VPS13D: variants seen among roughly 807,000 people sequenced by gnomAD.
The protein encoded by VPS13D is intermembrane lipid transfer protein VPS13D.
VPS13D carries 187 observed loss-of-function variants against 461.9 expected under a neutral mutation model. The ratio of observed to expected loss-of-function variants is 0.40; its 90% CI spans 0.36 to 0.46. The LOEUF (loss-of-function observed/expected upper bound fraction) is 0.46, where lower values mean the gene tolerates loss of function less well. VPS13D is among the 20% of genes least tolerant of loss of function. The pLI, the probability that VPS13D is intolerant of heterozygous loss-of-function variation, is 0.60. For missense variants in VPS13D, 4,711 were observed against 5,364.9 expected (o/e 0.88, Z 3.81); for synonymous variants, 1,951 against 1,986.3 (o/e 0.98, Z 0.47).
chr1:12,277,730 T>TTGA lies in VPS13D; in HGVS notation c.4143_4145dup (p.Ile1381_Glu1382insAsp). 1 of 1,614,224 alleles carries TTGA rather than the reference T, an allele frequency of 6.2e-7. No homozygotes were observed. The highest frequency in any genetic ancestry group is 8.5e-7 in the Non-Finnish European group (1 of 1,180,028). The stretch of plus-strand genomic sequence containing the variant: ...GTAAAGCTAATCTTGAACATAAACA[T>TTGA]TGAATCACCAGTTGTTTCTATCCCT... On this transcript the variant is annotated inframe_insertion, in exon 19 of 70. Transcript: ENST00000620676.
chr1:12,392,545 TAAAAAA>T (rs139602760), intron 60 of VPS13D, among the ~76,000 whole-genome samples: 8 of 129,300 alleles, frequency 6.2e-5, no homozygotes, highest in African/African-American at 1.7e-4. Context: ...GTATAAATGT[TAAAAAA>T]AAAAAAAAAA....
chr1:12,441,422 T>C lies in VPS13D; in HGVS notation c.12334-14576T>C, dbSNP rs747738544. ...AGCATGGACGCCAGCTTTTCAGCAT[T>C]GTATGCAGCACCCCAACCAGCCTTG... On this transcript the variant is annotated intron_variant, in intron 65 of 69. Transcript: ENST00000620676. Among the ~76,000 whole-genome samples the C allele has an allele frequency of 7.2e-5, 11 of 152,098 alleles. No homozygotes were observed. The South Asian group carries it at 8.3e-4, about 11-fold the overall frequency.
At chr1:12,462,707 G>A (rs1044950828) in intron 67 of VPS13D, among the ~76,000 whole-genome samples, 2 of 152,184 alleles carry the variant, frequency 1.3e-5, no homozygotes, top group Non-Finnish European at 2.9e-5. Flanking sequence ...TCAAGATATG[G>A]CATTCCACAT....
At chr1:12,443,471 T>C (rs1645154182) in intron 65 of VPS13D, among the ~76,000 whole-genome samples, 1 of 152,260 alleles carries the variant, frequency 6.6e-6, no homozygotes, top group South Asian at 2.1e-4. Flanking sequence ...CATATAAAAG[T>C]CTCTCCATTA....
chr1:12,496,415 C>T (rs1240601738), intron 67 of VPS13D, among the ~76,000 whole-genome samples: 1 of 152,202 alleles, frequency 6.6e-6, no homozygotes, highest in African/African-American at 2.4e-5. Context: ...TTGTTTCTGT[C>T]CATATTTCCA....
chr1:12,383,895 C>T (rs1046018541), intron 58 of VPS13D, among the ~76,000 whole-genome samples: 2 of 152,156 alleles, frequency 1.3e-5, no homozygotes, highest in African/African-American at 2.4e-5. Flanking sequence ...CCACAGGTAG[C>T]AGAGTGATCC....
intron 65 of VPS13D, among the ~76,000 whole-genome samples, chr1:12,433,284 AAAC>A (rs899195834): frequency 4.6e-5 from 7 of 152,098 alleles, no homozygotes; most frequent in Non-Finnish European, 8.8e-5. Flanking sequence ...AAAAACAAAA[AAAC>A]AACAACAAAA....
chr1:12,464,575 C>A (rs1243702996), intron 67 of VPS13D, among the ~76,000 whole-genome samples: 1 of 152,052 alleles, frequency 6.6e-6, no homozygotes, highest in Non-Finnish European at 1.5e-5. Flanking sequence ...TAGGGAACCC[C>A]CCCTCCTTAT....
chr1:12,506,807 G>T, intron 68 of VPS13D, 46 bp from the exon 69 acceptor site: 1 of 1,593,130 alleles, frequency 6.3e-7, no homozygotes, highest in South Asian at 1.1e-5. Flanking sequence ...CCTGATGCTG[G>T]GCGAAGCCCC....
Position 12,283,201 on chromosome 1 carries a change from T to C in VPS13D, c.5099T>C (p.Leu1700Ser). 5.0e-6 allele frequency: 8 copies of C among 1,614,184 alleles called. No individual in the cohort carries two copies. Among genetic ancestry groups the C allele is most frequent in the African/African-American group, 1.3e-5 (1 of 75,048 alleles). ...CGAGGAGCCCCTAAGCCATCTAGTT[T>C]AGCACAAAAAGAATACCTTTCTCAG... is the stretch of plus-strand genomic sequence containing the variant. ...VSRGAPKPSS[L>S]AQKEYLSQSC... The change falls in exon 21 of 70, where the codon TTA becomes TCA. Residue 1700 changes from leucine (L) to serine (S), a missense_variant. Physicochemically the swap from Leu to Ser is moderately radical, Grantham distance 145 (BLOSUM62 -2). Coordinates refer to ENST00000620676, the MANE Select transcript of VPS13D (RefSeq NM_015378.4).
At position 12,275,988 on chromosome 1, in the gene VPS13D, T is replaced by A. The variant is rs938227854; in HGVS notation, c.2400T>A (p.Ser800Arg). Residue 800 changes from serine to arginine, a missense_variant, in exon 19 of 70, where the codon AGT (serine) becomes AGA (arginine). Ser to Arg is a moderately radical substitution (Grantham distance 110, BLOSUM62 -1). Transcript: ENST00000620676. The stretch of plus-strand genomic sequence containing the variant: ...CTCCCTTTTCTGGAGTTGAGTTCAG[T>A]GAAGAACAGCTTCAAGCACATTTAA... ...KTPPFSGVEF[S>R]EEQLQAHLMS... 11 of 1,613,778 alleles carry A rather than the reference T, an allele frequency of 6.8e-6. No homozygotes were observed. Among genetic ancestry groups the A allele is most frequent in the Non-Finnish European group, 9.3e-6 (11 of 1,180,002 alleles).
intron 23 of VPS13D, among the ~76,000 whole-genome samples, chr1:12,292,435 CTTT>C (rs886615855): frequency 2.1e-5 from 2 of 96,916 alleles, no homozygotes; most frequent in Non-Finnish European, 2.0e-5. Context: ...TGCTCAGTCT[CTTT>C]TTTTTTTTTT....
At chr1:12,474,594 C>A (rs543163009) in intron 67 of VPS13D, among the ~76,000 whole-genome samples, 1 of 152,278 alleles carries the variant, frequency 6.6e-6, no homozygotes, top group East Asian at 1.9e-4. Flanking sequence ...TCATCATGCA[C>A]CTTTTATTTC....
chr1:12,497,346 C>A, intron 67 of VPS13D, 154 bp from the exon 68 acceptor site: 1 of 796,540 alleles, frequency 1.3e-6, no homozygotes, highest in Non-Finnish European at 1.8e-6. Context: ...ACCGCTATTT[C>A]ATGGTGTATT....
rs1394179938 is a variant in VPS13D, at chr1:12,282,929, G to A, written c.4827G>A (p.Val1609=). 6.2e-7 allele frequency: 1 copy of A among 1,614,194 alleles called. No homozygotes were observed. Among genetic ancestry groups the A allele is most frequent in the Middle Eastern group, 1.6e-4 (1 of 6,062 alleles). The change falls in exon 21 of 70, where the codon GTG becomes GTA. Residue 1609 remains valine, a synonymous_variant. Transcript: ENST00000620676. ...LSNTSQKSLS[V]KEVKSFTQIQ... is the part of the protein sequence containing the mutation. ...ACACCTCTCAGAAGTCATTGTCAGT[G>A]AAGGAAGTCAAATCCTTTACTCAGA...
chr1:12,369,398 C>T (rs772843227), intron 53 of VPS13D, 69 bp from the exon 54 acceptor site: 281 of 1,407,894 alleles, frequency 2.0e-4, no homozygotes, highest in Non-Finnish European at 2.6e-4. Flanking sequence ...ACCTACAAAG[C>T]ACTGACTCAC....
chr1:12,251,195 C>A (rs1640720319), intron 6 of VPS13D, among the ~76,000 whole-genome samples: 1 of 152,286 alleles, frequency 6.6e-6, no homozygotes, highest in South Asian at 2.1e-4. Context: ...GACTCTGTGG[C>A]CCTTTATGGA....
At chr1:12,497,787 A>G (rs1645980327) in intron 68 of VPS13D, among the ~76,000 whole-genome samples, 156 bp downstream of exon 68, 1 of 152,190 alleles carries the variant, frequency 6.6e-6, no homozygotes, top group Admixed American at 6.5e-5. Flanking sequence ...TTAGATTTAG[A>G]TATAACTGAT....
chr1:12,267,890 A>G lies in VPS13D; in HGVS notation c.1771A>G (p.Thr591Ala), dbSNP rs758621321. The stretch of plus-strand genomic sequence containing the variant: ...CTCACAATCTTTTGGTCTACAAACT[A>G]CATCTGCAGACAGAAGTGATCATTA... ...RVSQSFGLQT[T>A]SADRSDHYPA... The change falls in exon 15 of 70, where the codon ACA (threonine) becomes GCA (alanine). Residue 591 changes from threonine to alanine, a missense_variant. By Grantham distance (58) the Thr-to-Ala change is moderately conservative. Transcript: ENST00000620676. 3.7e-6 allele frequency: 6 copies of G among 1,614,164 alleles called. No homozygotes were observed. The highest frequency in any genetic ancestry group is 5.1e-6 in the Non-Finnish European group (6 of 1,180,004).
Sources: allele counts gnomAD v4.1 joint callset (sites outside exome capture counted in the v4.1 genomes callset), GRCh38; gene constraint gnomAD v4.1.1; transcripts MANE v1.5; gene names NCBI Gene and HGNC (gene_info 2026-07-23, HGNC 2026-07-21).